MACROD2: variants seen among roughly 807,000 people sequenced by gnomAD.
The protein encoded by MACROD2 is ADP-ribose glycohydrolase MACROD2.
MACROD2 carries 36 observed loss-of-function variants against 70.4 expected under a neutral mutation model. The ratio of observed to expected loss-of-function variants is 0.51; its 90% CI spans 0.39 to 0.68. The LOEUF (loss-of-function observed/expected upper bound fraction) is 0.68. Among genes scored for constraint, MACROD2 ranks in the 30% least tolerant of loss-of-function variants. MACROD2 has a pLI of 0.00. For synonymous variants in MACROD2, 172 were observed against 178.8 expected (o/e 0.96, Z 0.30); for missense variants, 496 against 538.4 (o/e 0.92, Z 0.78).
intron 3 of MACROD2, among the ~76,000 whole-genome samples, chr20:14,447,594 G>A (rs773310632): frequency 4.0e-5 from 6 of 151,886 alleles, no homozygotes; most frequent in Non-Finnish European, 8.8e-5. Flanking sequence ...CCAGACTTGG[G>A]AGAGTACAGC....
At chr20:14,636,264 C>G (rs1388916667) in intron 4 of MACROD2, among the ~76,000 whole-genome samples, 1 of 151,898 alleles carries the variant, frequency 6.6e-6, no homozygotes, top group Admixed American at 6.6e-5. Flanking sequence ...CAATGTCACG[C>G]CCAAATATTT....
chr20:15,930,690 A>G (rs975505867), intron 10 of MACROD2, among the ~76,000 whole-genome samples: 1 of 152,192 alleles, frequency 6.6e-6, no homozygotes, highest in African/African-American at 2.4e-5. Context: ...CTGAGACTCA[A>G]AGAGAAAACA....
At chr20:14,757,185 A>G (rs2071952289) in intron 5 of MACROD2, among the ~76,000 whole-genome samples, 2 of 152,164 alleles carry the variant, frequency 1.3e-5, no homozygotes, top group African/African-American at 4.8e-5. Context: ...TTCATTTGTT[A>G]TCCTAACATA....
At chr20:14,601,705 A>C (rs1982509765) in intron 4 of MACROD2, among the ~76,000 whole-genome samples, 1 of 152,136 alleles carries the variant, frequency 6.6e-6, no homozygotes, top group South Asian at 2.1e-4. Context: ...CAGGGCCGTG[A>C]AAGTCATAAC....
In MACROD2 at chr20:15,084,073, T is replaced by TTTTTGTTTTTTTG. The variant is rs754062468; in HGVS notation, c.419-145863_419-145862insGTTTTTTTGTTTT. Among the ~76,000 whole-genome samples the TTTTTGTTTTTTTG allele has an allele frequency of 4.7e-3, 436 of 92,838 alleles. 9 individuals are homozygous for TTTTTGTTTTTTTG. The highest frequency in any genetic ancestry group is 0.016 in the Admixed American group (138 of 8,548). 60.9% of individuals were successfully genotyped at this position (92,838 alleles called of 152,430 possible). Reference sequence around the variant, plus strand: ...AGCAACACTAGGTTTTTTTTTTTTGTTTTTTTTTTTTAATGAAGTTTTGCT... The same window carrying TTTTTGTTTTTTTG: ...AGCAACACTAGGTTTTTTTTTTTTGTTTTTGTTTTTTTGTTTTTTTTTTTAATGAAGTTTTGCT... On this transcript the variant is annotated intron_variant, in intron 5 of 17. Transcript: ENST00000684519.
At position 15,433,934 on chromosome 20, in the gene MACROD2, A is replaced by G. The variant is rs890821491; in HGVS notation, c.571+2499A>G. 3.3e-5 allele frequency among the ~76,000 whole-genome samples: 5 copies of G among 152,108 alleles called. No homozygotes were observed. The East Asian group carries it at 7.7e-4, about 23-fold the overall frequency. ...GATCTTCAACAAAGCATACAAAAAC[A>G]TAAATTGGGGAAAGGATATCCTATT... On this transcript the variant is annotated intron_variant, in intron 7 of 17. Coordinates refer to ENST00000684519, the MANE Select transcript of MACROD2 (RefSeq NM_001351661.2).
chr20:15,577,913 C>T (rs1480682048), intron 8 of MACROD2, among the ~76,000 whole-genome samples: 4 of 152,132 alleles, frequency 2.6e-5, no homozygotes, highest in Admixed American at 2.6e-4. Context: ...TAAATTATCA[C>T]TGAATATAAG....
intron 12 of MACROD2, among the ~76,000 whole-genome samples, chr20:15,948,685 T>G (rs141912263): frequency 3.3e-5 from 5 of 152,286 alleles, no homozygotes; most frequent in South Asian, 2.1e-4. Flanking sequence ...AAGTACATGT[T>G]TATCTACTAT....
At chr20:14,357,366 T>G (rs2083181845) in intron 3 of MACROD2, among the ~76,000 whole-genome samples, 3 of 152,226 alleles carry the variant, frequency 2.0e-5, no homozygotes, top group Admixed American at 2.0e-4. Context: ...ATTTTCTGTA[T>G]TTTTCAATGT....
intron 6 of MACROD2, among the ~76,000 whole-genome samples, chr20:15,396,971 G>T (rs1443352206): frequency 6.6e-6 from 1 of 152,204 alleles, no homozygotes; most frequent in African/African-American, 2.4e-5. Flanking sequence ...CTAAACACCA[G>T]TGCCTGACTA....
intron 8 of MACROD2, among the ~76,000 whole-genome samples, chr20:15,537,867 T>G (rs931766953): frequency 2.0e-5 from 3 of 152,214 alleles, no homozygotes; most frequent in African/African-American, 7.2e-5. Context: ...TCATATGCTT[T>G]CAAGGCATCT....
intron 5 of MACROD2, among the ~76,000 whole-genome samples, chr20:14,994,418 C>T (rs566913824): frequency 1.3e-5 from 2 of 152,016 alleles, no homozygotes; most frequent in Non-Finnish European, 2.9e-5. Context: ...CACCTGTTCT[C>T]CCGGGGCCTC....
chr20:14,317,892 A>G (rs1388206824), intron 3 of MACROD2, among the ~76,000 whole-genome samples: 1 of 152,222 alleles, frequency 6.6e-6, no homozygotes, highest in Non-Finnish European at 1.5e-5. Flanking sequence ...GGGCTTGACA[A>G]AGTCTTCAAC....
At chr20:14,874,325 G>T (rs1369122354) in intron 5 of MACROD2, among the ~76,000 whole-genome samples, 2 of 123,056 alleles carry the variant, frequency 1.6e-5, no homozygotes, top group Admixed American at 8.3e-5. Flanking sequence ...TTTATTTATT[G>T]AGGTGCTGTC....
intron 8 of MACROD2, among the ~76,000 whole-genome samples, chr20:15,570,564 C>T (rs941738671): frequency 1.3e-5 from 2 of 152,164 alleles, no homozygotes; most frequent in African/African-American, 4.8e-5. Flanking sequence ...GGACTGGCTC[C>T]AGTTACACTT....
chr20:15,667,650 T>C (rs2049919382), intron 8 of MACROD2, among the ~76,000 whole-genome samples: 1 of 152,112 alleles, frequency 6.6e-6, no homozygotes, highest in African/African-American at 2.4e-5. Context: ...GGACAAAAAT[T>C]ACATATCATC....
intron 4 of MACROD2, among the ~76,000 whole-genome samples, chr20:14,509,673 C>T (rs1330426762): frequency 6.6e-6 from 1 of 151,886 alleles, no homozygotes. Flanking sequence ...CTACTCCTCA[C>T]ATTTATGTGA....
chr20:15,871,430 C>A (rs1033998249), intron 9 of MACROD2, among the ~76,000 whole-genome samples: 8 of 152,138 alleles, frequency 5.3e-5, no homozygotes, highest in African/African-American at 1.9e-4. Flanking sequence ...ATCTTTCTAT[C>A]AGTTGTCAAA....
At chr20:14,192,965 A>G (rs1161228279) in intron 3 of MACROD2, among the ~76,000 whole-genome samples, 1 of 152,216 alleles carries the variant, frequency 6.6e-6, no homozygotes, top group Non-Finnish European at 1.5e-5. Context: ...AGCTGCACAA[A>G]TAATGTCACT....
Sources: gnomAD v4.1 joint callset for allele counts (sites outside exome capture counted in the v4.1 genomes callset) on GRCh38, gnomAD v4.1.1 for gene constraint, MANE v1.5 for transcripts, NCBI Gene and HGNC (gene_info 2026-07-23, HGNC 2026-07-21) for gene names.